The following PTPN1 variants were observed in gnomAD, a reference collection of about 807,000 sequenced individuals.
PTPN1 encodes protein tyrosine phosphatase non-receptor type 1, also known as tyrosine-protein phosphatase non-receptor type 1.
Under a neutral mutation model 59.9 loss-of-function variants are expected in PTPN1, and 12 were observed. The ratio of observed to expected loss-of-function variants is 0.20; its 90% CI spans 0.13 to 0.32. The LOEUF (loss-of-function observed/expected upper bound fraction) is 0.32. PTPN1 is among the 10% of genes least tolerant of loss of function. PTPN1 has a pLI of 1.00. For missense variants in PTPN1, 356 were observed against 549.2 expected (o/e 0.65, Z 3.52); for synonymous variants, 178 against 203.6 (o/e 0.87, Z 1.07).
chr20:50,583,614 G>A lies in PTPN1; in HGVS notation c.*899G>A, dbSNP rs2082881113. On this transcript the variant is annotated 3_prime_UTR_variant, in exon 10 of 10. Coordinates refer to ENST00000371621, the MANE Select transcript of PTPN1 (RefSeq NM_002827.4). ...AGTCCAACCTGCCTGTGCATGACCTGATCATTACATGGCTGTGGTTCCTAA... is the reference window on the plus strand; with the variant it reads ...AGTCCAACCTGCCTGTGCATGACCTAATCATTACATGGCTGTGGTTCCTAA... 1 of 152,294 alleles carries A rather than the reference G, an allele frequency of 6.6e-6. No homozygotes were observed. The highest frequency in any genetic ancestry group is 1.5e-5 in the Non-Finnish European group (1 of 68,042). The allele number at this position is 152,294 out of a possible 1,614,324, so 9.4% of individuals were successfully genotyped here.
intron 1 of PTPN1, among the ~76,000 whole-genome samples, chr20:50,512,425 G>A (rs989650487): frequency 1.1e-4 from 17 of 152,204 alleles, no homozygotes; most frequent in Non-Finnish European, 2.2e-4. Context: ...AGAGTGGGTT[G>A]ACCTGTCACC....
intron 1 of PTPN1, among the ~76,000 whole-genome samples, chr20:50,528,736 TAAA>T (rs766874557): frequency 8.7e-6 from 1 of 115,378 alleles, no homozygotes; most frequent in Non-Finnish European, 1.9e-5. Flanking sequence ...GACTCCATCT[TAAA>T]AAAAAAAAAA....
At chr20:50,524,881 C>T (rs6122949) in intron 1 of PTPN1, among the ~76,000 whole-genome samples, 1 of 151,894 alleles carries the variant, frequency 6.6e-6, no homozygotes, top group East Asian at 1.9e-4. Context: ...AGCCTATGTG[C>T]TCTTATTAGC....
chr20:50,525,278 C>T (rs1466777772), intron 1 of PTPN1, among the ~76,000 whole-genome samples: 1 of 151,976 alleles, frequency 6.6e-6, no homozygotes, highest in African/African-American at 2.4e-5. Context: ...CCAGGGTGGT[C>T]TCGCACTTCT....
intron 8 of PTPN1, among the ~76,000 whole-genome samples, chr20:50,580,507 A>G (rs1389278230): frequency 2.0e-5 from 3 of 152,164 alleles, no homozygotes; most frequent in Non-Finnish European, 4.4e-5. Flanking sequence ...GCCCATGGAC[A>G]GTGATGTGAT....
intron 1 of PTPN1, among the ~76,000 whole-genome samples, chr20:50,538,872 A>G (rs1405698380): frequency 6.6e-6 from 1 of 152,098 alleles, no homozygotes; most frequent in Non-Finnish European, 1.5e-5. Flanking sequence ...TACCTATAAA[A>G]GCAATAAGCA....
chr20:50,543,857 T>G (rs1022855370), intron 1 of PTPN1, among the ~76,000 whole-genome samples: 1 of 152,308 alleles, frequency 6.6e-6, no homozygotes, highest in East Asian at 1.9e-4. Context: ...TTAAACTTTT[T>G]TTTTTTGAGA....
At chr20:50,523,686 C>G (rs2082561101) in intron 1 of PTPN1, among the ~76,000 whole-genome samples, 1 of 152,188 alleles carries the variant, frequency 6.6e-6, no homozygotes, top group Non-Finnish European at 1.5e-5. Context: ...AGTAGTCCAG[C>G]AGACAAAGTG....
At chr20:50,546,039 C>T (rs766277624) in intron 1 of PTPN1, among the ~76,000 whole-genome samples, 4 of 151,840 alleles carry the variant, frequency 2.6e-5, no homozygotes, top group Non-Finnish European at 4.4e-5. Context: ...CAGGTCCTGT[C>T]TCGAAAAGAA....
At chr20:50,572,671 C>G (rs931499773) in intron 4 of PTPN1, 1 of 152,186 alleles carries the variant, frequency 6.6e-6, no homozygotes, top group Non-Finnish European at 1.5e-5. Context: ...AATGCCCACC[C>G]CAGCACGGGT....
At chr20:50,539,196 T>C (rs1234659925) in intron 1 of PTPN1, among the ~76,000 whole-genome samples, 2 of 148,356 alleles carry the variant, frequency 1.3e-5, no homozygotes, top group African/African-American at 5.1e-5. Flanking sequence ...CCACCACCCC[T>C]GGCAAATTTT....
chr20:50,511,345 A>G (rs2082506517), intron 1 of PTPN1, among the ~76,000 whole-genome samples: 1 of 152,198 alleles, frequency 6.6e-6, no homozygotes, highest in African/African-American at 2.4e-5. Context: ...GAAGGGGATC[A>G]GGGAAGGCCT....
intron 7 of PTPN1, 91 bp from the exon 8 acceptor site, chr20:50,579,612 C>T: frequency 1.7e-6 from 2 of 1,196,494 alleles, no homozygotes; most frequent in Non-Finnish European, 2.4e-6. Flanking sequence ...GAGCCCCTCG[C>T]CAAGCCGTCA....
At position 50,561,472 on chromosome 20, in the gene PTPN1, G is replaced by A. The variant is rs761685786; in HGVS notation, c.154+19G>A. On this transcript the variant is annotated intron_variant, in intron 2 of 9. Coordinates refer to ENST00000371621, the MANE Select transcript of PTPN1 (RefSeq NM_002827.4). ...AGTCCCTGTAAGTATCCACGTGGCC[G>A]GTACCAGTCTTGCTCTTCCTTTGCT... 3.6e-5 allele frequency: 55 copies of A among 1,533,986 alleles called. No homozygotes were observed. The highest frequency in any genetic ancestry group is 2.9e-4 in the South Asian group (25 of 86,944).
At chr20:50,554,027 A>G (rs1184635892) in intron 1 of PTPN1, among the ~76,000 whole-genome samples, 1 of 152,050 alleles carries the variant, frequency 6.6e-6, no homozygotes, top group African/African-American at 2.4e-5. Context: ...ATAAGGTTCA[A>G]GTTTTTTCCA....
At chr20:50,577,707 A>G (rs2082843445) in intron 5 of PTPN1, 1 of 152,210 alleles carries the variant, frequency 6.6e-6, no homozygotes, top group Non-Finnish European at 1.5e-5. Context: ...CACCTTTCAA[A>G]CGTGTCTGCA....
chr20:50,562,984 C>A (rs927753259), intron 2 of PTPN1: 34 of 151,886 alleles, frequency 2.2e-4, no homozygotes, highest in African/African-American at 7.0e-4. Context: ...AGAAAAAAAA[C>A]CAGTATTTAA....
In PTPN1 at chr20:50,510,521, GC is replaced by G; in HGVS notation, c.-4del. The G allele has an allele frequency of 1.9e-6, 3 of 1,550,002 alleles. No homozygotes were observed. In the South Asian group the frequency reaches 3.6e-5, roughly 18 times the overall value. ...AGAAGGAGGCGCAGCAGCCGCCCTG[GC>G]CCGTCATGGAGATGGAAAAGGAGTT... On this transcript the variant is annotated 5_prime_UTR_variant, in exon 1 of 10. Coordinates refer to ENST00000371621, the MANE Select transcript of PTPN1 (RefSeq NM_002827.4).
At chr20:50,558,053 T>G (rs1311405806) in intron 1 of PTPN1, 1 of 152,242 alleles carries the variant, frequency 6.6e-6, no homozygotes, top group Admixed American at 6.5e-5. Context: ...CAGACTCATC[T>G]CAAACTTCTC....
Sources: allele counts gnomAD v4.1 joint callset (sites outside exome capture counted in the v4.1 genomes callset), GRCh38; gene constraint gnomAD v4.1.1; transcripts MANE v1.5; gene names NCBI Gene and HGNC (gene_info 2026-07-23, HGNC 2026-07-21).